Variants in DOCK7 observed in about 807,000 individuals in gnomAD.
DOCK7 encodes dedicator of cytokinesis 7.
DOCK7 carries 138 observed loss-of-function variants against 271.0 expected under a neutral mutation model. That is an observed-to-expected ratio of 0.51 (90% CI 0.44 to 0.59). The LOEUF is 0.59. Ranked by LOEUF, DOCK7 falls within the 20% of genes least tolerant of loss-of-function variation. DOCK7 has a pLI of 0.00. For synonymous variants in DOCK7, 823 were observed against 876.1 expected (o/e 0.94, Z 1.07); for missense variants, 2,066 against 2,592.4 (o/e 0.80, Z 4.41).
At position 62,455,289 on chromosome 1, in the gene DOCK7, C is replaced by A; in HGVS notation, c.*125G>T. On this transcript the variant is annotated 3_prime_UTR_variant, in exon 50 of 50. Coordinates refer to ENST00000635253, the MANE Select transcript of DOCK7 (RefSeq NM_001367561.1). ...CAATCTACATTTGATATTTTCTTGG[C>A]CACTGCATTCTTCAATGAATAATAA... is the stretch of plus-strand genomic sequence containing the variant. The A allele has an allele frequency of 1.0e-6, 1 of 979,848 alleles. No individual in the cohort carries two copies. Among genetic ancestry groups the A allele is most frequent in the Non-Finnish European group, 1.6e-6 (1 of 629,476 alleles). The allele number at this position is 979,848 out of a possible 1,614,324, so 60.7% of individuals were successfully genotyped here. A position where few individuals can be genotyped will look rare whatever the true frequency, so the allele number is the denominator to read the frequency against.
At chr1:62,672,953 T>C (rs987633674) in intron 1 of DOCK7, among the ~76,000 whole-genome samples, 2 of 152,252 alleles carry the variant, frequency 1.3e-5, no homozygotes, top group African/African-American at 4.8e-5. Flanking sequence ...AAATGTCTGG[T>C]GTATATACTA....
chr1:62,540,123 CA>C (rs1295950865), intron 25 of DOCK7, among the ~76,000 whole-genome samples: 7 of 149,412 alleles, frequency 4.7e-5, no homozygotes, highest in Admixed American at 6.7e-5. Context: ...AACAATAGGA[CA>C]AAAAAATTCT....
At chr1:62,641,096 C>A (rs7539035) in intron 7 of DOCK7, 88,472 of 228,290 alleles carry the variant, frequency 0.39, 19,626 homozygotes, top group African/African-American at 0.65. Flanking sequence ...AAGCATGAGG[C>A]GTAAACAGTC....
chr1:62,492,797 T>C lies in DOCK7; in HGVS notation c.5268A>G (p.Val1756=), dbSNP rs780422344. 1 of 1,613,780 alleles carries C rather than the reference T, an allele frequency of 6.2e-7. No individual in the cohort carries two copies. Among genetic ancestry groups the C allele is most frequent in the Non-Finnish European group, 8.5e-7 (1 of 1,179,788 alleles). The change falls in exon 41 of 50, where the codon GTA becomes GTG. Residue 1756 remains valine, a synonymous_variant. Coordinates refer to ENST00000635253, the MANE Select transcript of DOCK7 (RefSeq NM_001367561.1). ...LEESAVSDDV[V]SPDEEGICSG... ...AGCAGATACCTTCTTCATCTGGAGATACCACATCATCTGAGACCGCAGATT... is the reference window on the plus strand; with the variant it reads ...AGCAGATACCTTCTTCATCTGGAGACACCACATCATCTGAGACCGCAGATT...
chr1:62,651,497 G>GTGC (rs1205178201), intron 4 of DOCK7, among the ~76,000 whole-genome samples: 2 of 125,088 alleles, frequency 1.6e-5, no homozygotes, highest in Non-Finnish European at 3.4e-5. Flanking sequence ...ATGGCTCGCA[G>GTGC]ACCTCTGTAA....
At chr1:62,612,260 A>G (rs1242278782) in intron 14 of DOCK7, among the ~76,000 whole-genome samples, 1 of 152,156 alleles carries the variant, frequency 6.6e-6, no homozygotes, top group Non-Finnish European at 1.5e-5. Flanking sequence ...ATTACCAACA[A>G]AACAAAAGAC....
chr1:62,506,008 G>A (rs1646925756), intron 35 of DOCK7, among the ~76,000 whole-genome samples, 192 bp from the exon 36 acceptor site: 1 of 150,886 alleles, frequency 6.6e-6, no homozygotes, highest in African/African-American at 2.4e-5. Context: ...AAGAAAAGGG[G>A]GAAAAAGAAT....
rs371005189 is a variant in DOCK7, at chr1:62,671,535, A to G, written c.39-8405T>C. ...AGAGAGGAAAAGAGAGAGATACTGAATAAGAATGAACTTAGAGACTACCTA... is the reference window on the plus strand; with the variant it reads ...AGAGAGGAAAAGAGAGAGATACTGAGTAAGAATGAACTTAGAGACTACCTA... On this transcript the variant is annotated intron_variant, in intron 1 of 49. Transcript: ENST00000635253. 2.6e-5 allele frequency among the ~76,000 whole-genome samples: 4 copies of G among 152,320 alleles called. No homozygotes were observed. In the East Asian group the frequency reaches 5.8e-4, roughly 22 times the overall value.
At chr1:62,598,659 G>C (rs746599993) in intron 14 of DOCK7, 1 of 1,142,022 alleles carries the variant, frequency 8.8e-7, no homozygotes, top group Non-Finnish European at 1.3e-6. Context: ...AAAGAAAGAG[G>C]AAAGCAACTT....
chr1:62,574,568 C>G (rs954187947), intron 18 of DOCK7, among the ~76,000 whole-genome samples: 2 of 152,090 alleles, frequency 1.3e-5, no homozygotes, highest in African/African-American at 4.8e-5. Context: ...AGGCAGCAAA[C>G]ATAGAAGAAA....
chr1:62,553,312 T>TTATACATATATATA (rs1553168302), intron 21 of DOCK7, among the ~76,000 whole-genome samples: 5 of 20,584 alleles, frequency 2.4e-4, no homozygotes, highest in African/African-American at 8.0e-4. Flanking sequence ...AAAAAGTATT[T>TTATACATATATATA]TATATATATA....
chr1:62,538,982 A>G (rs1645438399), intron 27 of DOCK7, among the ~76,000 whole-genome samples: 1 of 152,226 alleles, frequency 6.6e-6, no homozygotes, highest in Non-Finnish European at 1.5e-5. Flanking sequence ...AATGTTTTCT[A>G]GAAGGCAGAC....
At chr1:62,651,905 T>C (rs921154937) in intron 4 of DOCK7, among the ~76,000 whole-genome samples, 9 of 152,166 alleles carry the variant, frequency 5.9e-5, no homozygotes, top group African/African-American at 2.2e-4. Flanking sequence ...CTTAAACTAC[T>C]GTATCTGCTT....
chr1:62,467,189 T>C (rs1645704336), intron 48 of DOCK7, among the ~76,000 whole-genome samples: 1 of 152,216 alleles, frequency 6.6e-6, no homozygotes, highest in African/African-American at 2.4e-5. Flanking sequence ...AATCAATTCC[T>C]GCTGGAGAAA....
At chr1:62,502,172 G>C (rs995815091) in intron 37 of DOCK7, among the ~76,000 whole-genome samples, 3 of 151,332 alleles carry the variant, frequency 2.0e-5, no homozygotes, top group African/African-American at 7.3e-5. Flanking sequence ...ATTAAAAATG[G>C]GTTGAATAAC....
intron 20 of DOCK7, among the ~76,000 whole-genome samples, chr1:62,557,328 T>C (rs557491051): frequency 6.6e-6 from 1 of 151,946 alleles, no homozygotes; most frequent in South Asian, 2.1e-4. Context: ...CTCCCAGAAT[T>C]GCTTCATTAA....
At chr1:62,649,845 T>C (rs1571900444) in intron 4 of DOCK7, among the ~76,000 whole-genome samples, 2 of 152,322 alleles carry the variant, frequency 1.3e-5, no homozygotes, top group South Asian at 4.1e-4. Flanking sequence ...TTAGCATGTA[T>C]TGCTCTTCCC....
Position 62,538,021 on chromosome 1 carries a change from A to G in DOCK7, c.3341T>C (p.Leu1114Pro). 6.2e-7 allele frequency: 1 copy of G among 1,614,074 alleles called. No individual in the cohort carries two copies. The highest frequency in any genetic ancestry group is 8.5e-7 in the Non-Finnish European group (1 of 1,179,946). ...TAGAAAATCCAGCCTCAAGGACACCAGAACACTGGGATTCGGTAATGAGTA... is the reference window on the plus strand; with the variant it reads ...TAGAAAATCCAGCCTCAAGGACACCGGAACACTGGGATTCGGTAATGAGTA... ...KLYSLPNPSV[L>P]VSLRLDFLRI... Residue 1114 changes from leucine to proline, a missense_variant, in exon 28 of 50, where the codon CTG (leucine) becomes CCG (proline). Physicochemically the swap from Leu to Pro is moderately conservative, Grantham distance 98 (BLOSUM62 -3). Coordinates refer to ENST00000635253, the MANE Select transcript of DOCK7 (RefSeq NM_001367561.1).
In DOCK7 at chr1:62,688,239, T is replaced by A; in HGVS notation, c.26A>T (p.Gln9Leu). Residue 9 changes from glutamine to leucine, a missense_variant, in exon 1 of 50, where the codon CAG becomes CTG. Physicochemically the swap from Gln to Leu is moderately radical, Grantham distance 113. This residue lies in a region of DOCK7 where 1,414 missense variants were observed against 1,670.4 expected (regional missense o/e 0.85). Transcript: ENST00000635253. Reference protein sequence around the residue: MAERRAFAQKISRTVAAEV... With the variant: MAERRAFALKISRTVAAEV... ...GCCGGATATTTACCTGCTGATCTTC[T>A]GGGCGAAGGCGCGGCGCTCGGCCAT... 7.3e-7 allele frequency: 1 copy of A among 1,373,722 alleles called. No individual in the cohort carries two copies. The highest frequency in any genetic ancestry group is 9.5e-7 in the Non-Finnish European group (1 of 1,051,314). 85.1% of individuals were successfully genotyped at this position (1,373,722 alleles called of 1,614,324 possible).
Sources: allele counts gnomAD v4.1 joint callset (sites outside exome capture counted in the v4.1 genomes callset), GRCh38; gene constraint gnomAD v4.1.1; regional missense constraint gnomAD v4.1.1; transcripts MANE v1.5; gene names NCBI Gene and HGNC (gene_info 2026-07-23, HGNC 2026-07-21).